The following GRID2 variants were observed in gnomAD, a reference collection of about 807,000 sequenced individuals.
GRID2 encodes the protein glutamate ionotropic receptor delta type subunit 2.
A neutral mutation model predicts 114.8 loss-of-function variants in GRID2; 33 were observed. The ratio of observed to expected loss-of-function variants is 0.29; its 90% CI spans 0.22 to 0.38. The LOEUF (loss-of-function observed/expected upper bound fraction) is 0.38, where lower values mean the gene tolerates loss of function less well. GRID2 is among the 10% of genes least tolerant of loss of function. The pLI is 1.00. For missense variants in GRID2, 1,184 were observed against 1,257.7 expected, an observed-to-expected ratio of 0.94 and a Z score of 0.89; for synonymous variants, 505 against 449.9, an observed-to-expected ratio of 1.12 and a Z score of -1.55.
chr4:93,170,747 T>TA (rs1408294237), intron 4 of GRID2, among the ~76,000 whole-genome samples: 4 of 152,142 alleles, frequency 2.6e-5, no homozygotes, highest in African/African-American at 9.7e-5. Context: ...ATTACAGTCT[T>TA]ACATACCCGA....
At chr4:92,341,670 C>A (rs951436238) in intron 1 of GRID2, among the ~76,000 whole-genome samples, 1 of 152,130 alleles carries the variant, frequency 6.6e-6, no homozygotes, top group Non-Finnish European at 1.5e-5. Context: ...TCTGTAATCC[C>A]AGCACTTTGG....
chr4:92,800,506 G>A (rs192881560), intron 2 of GRID2, among the ~76,000 whole-genome samples: 14 of 151,996 alleles, frequency 9.2e-5, no homozygotes, highest in African/African-American at 3.4e-4. Flanking sequence ...CAATATGGAA[G>A]GCATATCAAT....
chr4:92,460,166 A>G (rs910216862), intron 1 of GRID2, among the ~76,000 whole-genome samples: 1 of 150,434 alleles, frequency 6.6e-6, no homozygotes, highest in Non-Finnish European at 1.5e-5. Context: ...ATAAACAAAA[A>G]TAGCCCAAAC....
intron 6 of GRID2, among the ~76,000 whole-genome samples, chr4:93,223,295 C>T (rs548540851): frequency 2.4e-4 from 36 of 152,092 alleles, no homozygotes; most frequent in African/African-American, 8.2e-4. Flanking sequence ...TTGTATTGCA[C>T]GTAATGCATT....
intron 1 of GRID2, among the ~76,000 whole-genome samples, chr4:92,378,329 T>C (rs1729453104): frequency 6.6e-6 from 1 of 152,146 alleles, no homozygotes; most frequent in Non-Finnish European, 1.5e-5. Context: ...TATATGTGGT[T>C]GTCATATAAA....
chr4:93,651,354 A>G (rs1722563722), intron 14 of GRID2, among the ~76,000 whole-genome samples: 1 of 152,208 alleles, frequency 6.6e-6, no homozygotes, highest in African/African-American at 2.4e-5. Flanking sequence ...AATTCAGGAC[A>G]GCTAAATTTC....
At chr4:92,305,368 G>C (rs1029709041) in intron 1 of GRID2, among the ~76,000 whole-genome samples, 2 of 152,176 alleles carry the variant, frequency 1.3e-5, no homozygotes, top group Non-Finnish European at 2.9e-5. Context: ...GCTGGCGGCA[G>C]TGTCGCCAAG....
intron 3 of GRID2, among the ~76,000 whole-genome samples, chr4:93,105,438 T>C (rs1024153725): frequency 3.3e-5 from 5 of 152,192 alleles, no homozygotes. Context: ...TTTATGGTTT[T>C]AGGTCTAACG....
At chr4:92,994,029 T>C (rs1047265281) in intron 2 of GRID2, among the ~76,000 whole-genome samples, 3 of 152,180 alleles carry the variant, frequency 2.0e-5, no homozygotes, top group Non-Finnish European at 4.4e-5. Context: ...CCTCATCTTT[T>C]ATCCAGTGTC....
At chr4:93,609,111 T>A (rs1449300306) in intron 13 of GRID2, among the ~76,000 whole-genome samples, 1 of 108,564 alleles carries the variant, frequency 9.2e-6, no homozygotes, top group Admixed American at 9.0e-5. Flanking sequence ...AAATGTCTTC[T>A]TTTGAGAAGT....
At chr4:92,411,653 GTGTATA>G (rs1413441660) in intron 1 of GRID2, among the ~76,000 whole-genome samples, 2 of 98,834 alleles carry the variant, frequency 2.0e-5, no homozygotes, top group Admixed American at 9.4e-5. Context: ...GTGTGTGTGT[GTGTATA>G]TATATATATA....
At chr4:92,969,300 A>C (rs1291793777) in intron 2 of GRID2, among the ~76,000 whole-genome samples, 1 of 151,758 alleles carries the variant, frequency 6.6e-6, no homozygotes, top group East Asian at 1.9e-4. Context: ...TGAACAATCC[A>C]ACTATAGATA....
intron 11 of GRID2, among the ~76,000 whole-genome samples, chr4:93,459,006 A>G (rs896785083): frequency 1.3e-5 from 2 of 151,732 alleles, no homozygotes; most frequent in Middle Eastern, 3.4e-3. Flanking sequence ...ATGGTGAAAC[A>G]CCATCTCTGC....
At chr4:92,489,704 G>T (rs531192656) in intron 1 of GRID2, among the ~76,000 whole-genome samples, 2 of 152,156 alleles carry the variant, frequency 1.3e-5, no homozygotes, top group African/African-American at 4.8e-5. Context: ...AAACTAGCAA[G>T]CGGTGGTGGT....
At chr4:93,072,216 A>G (rs1471960084) in intron 2 of GRID2, among the ~76,000 whole-genome samples, 1 of 152,104 alleles carries the variant, frequency 6.6e-6, no homozygotes, top group Admixed American at 6.6e-5. Context: ...AACTTTTCTC[A>G]AAGTAACCAA....
intron 2 of GRID2, among the ~76,000 whole-genome samples, chr4:93,079,994 A>G (rs936882124): frequency 2.0e-5 from 3 of 152,144 alleles, no homozygotes; most frequent in Admixed American, 6.6e-5. Context: ...CACTATTTAC[A>G]TATTAAGGCA....
chr4:92,952,185 A>G (rs967507308), intron 2 of GRID2, among the ~76,000 whole-genome samples: 12 of 152,210 alleles, frequency 7.9e-5, no homozygotes, highest in African/African-American at 2.9e-4. Flanking sequence ...CCTGATTTCT[A>G]CATACTCATT....
chr4:92,470,755 A>T (rs1324636474), intron 1 of GRID2, among the ~76,000 whole-genome samples: 2 of 152,034 alleles, frequency 1.3e-5, no homozygotes, highest in African/African-American at 4.8e-5. Context: ...ACGAGTGCCC[A>T]CTAGGTGAAC....
intron 9 of GRID2, among the ~76,000 whole-genome samples, chr4:93,401,817 G>A (rs1560582847): frequency 1.3e-5 from 2 of 152,042 alleles, no homozygotes; most frequent in African/African-American, 4.8e-5. Flanking sequence ...ACTCACCAAA[G>A]GAAGGATTGT....
Sources: gnomAD v4.1 joint callset for allele counts (sites outside exome capture counted in the v4.1 genomes callset) on GRCh38, gnomAD v4.1.1 for gene constraint, MANE v1.5 for transcripts, NCBI Gene and HGNC (gene_info 2026-07-23, HGNC 2026-07-21) for gene names.